Variants in MRTFB observed in about 807,000 individuals in gnomAD.
MRTFB encodes the protein myocardin related transcription factor B.
MRTFB carries 29 observed loss-of-function variants against 104.2 expected under a neutral mutation model. The ratio of observed to expected loss-of-function variants is 0.28; its 90% CI spans 0.21 to 0.38. The LOEUF (loss-of-function observed/expected upper bound fraction) is 0.38, where lower values mean the gene tolerates loss of function less well. Ranked by LOEUF, MRTFB falls within the 10% of genes least tolerant of loss-of-function variation. The pLI, the probability that MRTFB is intolerant of heterozygous loss-of-function variation, is 1.00. For missense variants in MRTFB, 1,270 were observed against 1,341.6 expected (o/e 0.95, Z 0.83); for synonymous variants, 535 against 519.5 (o/e 1.03, Z -0.41).
chr16:14,242,293 G>A (rs1169233602), intron 10 of MRTFB, among the ~76,000 whole-genome samples: 1 of 152,008 alleles, frequency 6.6e-6, no homozygotes, highest in South Asian at 2.1e-4. Context: ...TTTCCATTAA[G>A]GCTTCAATTC....
chr16:14,147,004 T>A (rs185881583), intron 3 of MRTFB, among the ~76,000 whole-genome samples: 5 of 152,364 alleles, frequency 3.3e-5, no homozygotes, highest in Admixed American at 3.3e-4. Flanking sequence ...TTTCCCTTTC[T>A]ATAACTGGAA....
intron 2 of MRTFB, among the ~76,000 whole-genome samples, chr16:14,088,743 A>C (rs1279479684): frequency 6.6e-6 from 1 of 152,220 alleles, no homozygotes; most frequent in East Asian, 1.9e-4. Flanking sequence ...CGGGATGTTA[A>C]TTTGGTTATA....
intron 9 of MRTFB, among the ~76,000 whole-genome samples, chr16:14,236,774 C>T (rs866192542): frequency 3.9e-5 from 6 of 152,104 alleles, no homozygotes; most frequent in Middle Eastern, 3.2e-3. Context: ...TGTATTACTG[C>T]TAAGGGAAGG....
chr16:14,130,374 A>G (rs1460991426), intron 2 of MRTFB, among the ~76,000 whole-genome samples: 1 of 152,174 alleles, frequency 6.6e-6, no homozygotes, highest in Non-Finnish European at 1.5e-5. Flanking sequence ...CCTGTTTTAC[A>G]CTATCCTTGG....
At chr16:14,038,463 T>C in the MRTFB span, among the ~76,000 whole-genome samples, 1 of 152,202 alleles carries the variant, frequency 6.6e-6, no homozygotes, top group Non-Finnish European at 1.5e-5. Context: ...ACTGACTTCA[T>C]ATCAAACACA....
At chr16:14,146,592 A>AT (rs1191313411) in intron 3 of MRTFB, among the ~76,000 whole-genome samples, 1 of 152,202 alleles carries the variant, frequency 6.6e-6, no homozygotes, top group Non-Finnish European at 1.5e-5. Context: ...GTATTAATAT[A>AT]TTTGCAAACA....
the MRTFB span, among the ~76,000 whole-genome samples, chr16:14,041,887 T>C: frequency 6.6e-6 from 1 of 151,984 alleles, no homozygotes; most frequent in Non-Finnish European, 1.5e-5. Context: ...GATTGCGCCA[T>C]TGCACTCGAG....
the MRTFB span, among the ~76,000 whole-genome samples, chr16:14,029,445 T>TATATATATACAC: frequency 3.5e-5 from 3 of 85,960 alleles, no homozygotes; most frequent in South Asian, 4.0e-4. Context: ...TATATATATA[T>TATATATATACAC]ACACACACAC....
At chr16:14,182,383 G>C (rs924758226) in intron 3 of MRTFB, among the ~76,000 whole-genome samples, 9 of 152,164 alleles carry the variant, frequency 5.9e-5, no homozygotes, top group African/African-American at 2.2e-4. Flanking sequence ...TGTAGGAGAA[G>C]GGGCCACAAA....
At chr16:14,204,329 CTA>C (rs962950942) in intron 3 of MRTFB, among the ~76,000 whole-genome samples, 1 of 152,060 alleles carries the variant, frequency 6.6e-6, no homozygotes, top group African/African-American at 2.4e-5. Flanking sequence ...TAAAAGCACT[CTA>C]AACCATTTAA....
chr16:14,200,446 AATCAG>A, intron 3 of MRTFB: 1 of 1,610,090 alleles, frequency 6.2e-7, no homozygotes, highest in East Asian at 2.2e-5. Flanking sequence ...GAAAAGTCAA[AATCAG>A]ACATCCAGTA....
chr16:14,096,518 A>C (rs1483167287), intron 2 of MRTFB, among the ~76,000 whole-genome samples: 1 of 152,230 alleles, frequency 6.6e-6, no homozygotes, highest in East Asian at 1.9e-4. Flanking sequence ...AAGTCTAAAA[A>C]AGAAGTACTA....
intron 3 of MRTFB, among the ~76,000 whole-genome samples, chr16:14,179,307 T>A (rs1341355009): frequency 6.6e-6 from 1 of 152,214 alleles, no homozygotes; most frequent in African/African-American, 2.4e-5. Flanking sequence ...GACTCATAGA[T>A]CCCATTCCTT....
chr16:14,063,576 G>C, the MRTFB span, among the ~76,000 whole-genome samples: 1 of 152,082 alleles, frequency 6.6e-6, no homozygotes, highest in Non-Finnish European at 1.5e-5. Context: ...TCAATGTTTA[G>C]CTCCCACTTA....
chr16:14,013,476 G>A, the MRTFB span: 1 of 152,168 alleles, frequency 6.6e-6, no homozygotes, highest in Non-Finnish European at 1.5e-5. Context: ...GGAAAGAAGA[G>A]GGGAAAACAT....
At chr16:14,219,890 T>G (rs1733643446) in intron 8 of MRTFB, among the ~76,000 whole-genome samples, 1 of 152,154 alleles carries the variant, frequency 6.6e-6, no homozygotes, top group Admixed American at 6.5e-5. Context: ...AGAGAGCAAG[T>G]ATATTTTGAG....
At chr16:14,052,989 A>G in the MRTFB span, among the ~76,000 whole-genome samples, 5 of 152,118 alleles carry the variant, frequency 3.3e-5, no homozygotes, top group Non-Finnish European at 5.9e-5. Flanking sequence ...TTCCTCGCTT[A>G]TTTCATTTAA....
chr16:14,175,286 T>C lies in MRTFB; in HGVS notation c.154+34526T>C, dbSNP rs142314883. On this transcript the variant is annotated intron_variant, in intron 3 of 16. Transcript: ENST00000571589. ...AGACAACAAACATTTTCAACACCCTTAGAAATTTCCTCACGCCTGTTTATA... is the reference window on the plus strand; with the variant it reads ...AGACAACAAACATTTTCAACACCCTCAGAAATTTCCTCACGCCTGTTTATA... Among the ~76,000 whole-genome samples, 731 of 152,338 alleles carry C rather than the reference T, an allele frequency of 4.8e-3. 3 individuals carry two copies. Among genetic ancestry groups the C allele is most frequent in the Non-Finnish European group, 7.9e-3 (535 of 68,024 alleles).
chr16:14,190,789 G>C (rs1363146844), intron 3 of MRTFB, among the ~76,000 whole-genome samples: 1 of 152,202 alleles, frequency 6.6e-6, no homozygotes, highest in Non-Finnish European at 1.5e-5. Context: ...CCTCCAAGAA[G>C]TGACCTGGGG....
Sources: allele counts gnomAD v4.1 joint callset (sites outside exome capture counted in the v4.1 genomes callset), GRCh38; gene constraint gnomAD v4.1.1; transcripts MANE v1.5; gene names NCBI Gene and HGNC (gene_info 2026-07-23, HGNC 2026-07-21).